The following UQCR11 variants were observed in gnomAD, a reference collection of about 807,000 sequenced individuals.
UQCR11 encodes the protein ubiquinol-cytochrome c reductase, complex III subunit XI.
UQCR11 carries 10 observed loss-of-function variants against 7.6 expected under a neutral mutation model. The ratio of observed to expected loss-of-function variants is 1.31; its 90% CI spans 0.81 to 2.22. The LOEUF is 2.22. UQCR11 is among the 30% of genes most tolerant of loss of function. The pLI is 0.00. For missense variants in UQCR11, 86 were observed against 75.1 expected (o/e 1.15, Z -0.54); for synonymous variants, 34 against 34.9 (o/e 0.97, Z 0.09).
chr19:1,601,599 C>CA lies in UQCR11; in HGVS notation c.51-2040dup, dbSNP rs56108793. On this transcript the variant is annotated intron_variant, in intron 1 of 2. Coordinates refer to ENST00000591899, the MANE Select transcript of UQCR11 (RefSeq NM_006830.4). ...CTGGTGACAGAGCGAGACACCGTCT[C>CA]AAAAAAAAAAAAAAAAAGGAAGAAA... Among the ~76,000 whole-genome samples the CA allele has an allele frequency of 4.4e-3, 359 of 81,028 alleles. 3 individuals carry two copies. Among genetic ancestry groups the CA allele is most frequent in the East Asian group, 0.018 (51 of 2,868 alleles). 53.2% of individuals were successfully genotyped at this position (81,028 alleles called of 152,430 possible). A position where few individuals can be genotyped will look rare whatever the true frequency, so the allele number is the denominator to read the frequency against.
In UQCR11 at chr19:1,599,576, G is replaced by T. The variant is rs755134186; in HGVS notation, c.51-16C>A. 6.2e-7 allele frequency: 1 copy of T among 1,605,328 alleles called. No individual in the cohort carries two copies. The highest frequency in any genetic ancestry group is 8.5e-7 in the Non-Finnish European group (1 of 1,179,852). On this transcript the variant is annotated splice_polypyrimidine_tract_variant and intron_variant, in intron 1 of 2. Transcript: ENST00000591899. ...CGTCGGGACCCTGCGAGAGGAGAGG[G>T]GATGGTCAGGCCTGCTCTGGACCCT...
chr19:1,601,824 A>T (rs545385939), intron 1 of UQCR11, among the ~76,000 whole-genome samples: 1 of 152,088 alleles, frequency 6.6e-6, no homozygotes, highest in Non-Finnish European at 1.5e-5. Context: ...GCACTAGATA[A>T]CAATTGCAGG....
chr19:1,601,525 C>T lies in UQCR11; in HGVS notation c.51-1965G>A, dbSNP rs1243195203. Among the ~76,000 whole-genome samples the T allele has an allele frequency of 4.7e-5, 7 of 149,006 alleles. No individual in the cohort carries two copies. In the East Asian group the frequency reaches 6.1e-4, roughly 13 times the overall value. On this transcript the variant is annotated intron_variant, in intron 1 of 2. Coordinates refer to ENST00000591899, the MANE Select transcript of UQCR11 (RefSeq NM_006830.4). ...CTGAGGCAGGAGAATGGCATGAACC[C>T]GGGAGGCGGAGCTTGCAGTGAGCTT...
At chr19:1,603,783 C>T (rs772428806) in intron 1 of UQCR11, among the ~76,000 whole-genome samples, 5 of 152,168 alleles carry the variant, frequency 3.3e-5, no homozygotes, top group African/African-American at 4.8e-5. Flanking sequence ...TTCCTCATCC[C>T]AGGCCTGAGT....
chr19:1,604,719 G>C (rs79532015), intron 1 of UQCR11, among the ~76,000 whole-genome samples: 15 of 151,868 alleles, frequency 9.9e-5, no homozygotes, highest in African/African-American at 3.1e-4. Context: ...GTAGAGACGC[G>C]GGTTTCACCA....
intron 1 of UQCR11, among the ~76,000 whole-genome samples, chr19:1,602,961 C>T (rs182135767): frequency 7.6e-4 from 116 of 152,316 alleles, no homozygotes; most frequent in Non-Finnish European, 7.4e-4. Flanking sequence ...ACGACAACCC[C>T]TTCCTCAAAG....
intron 2 of UQCR11, among the ~76,000 whole-genome samples, chr19:1,598,743 G>A (rs1484411099): frequency 1.3e-5 from 2 of 152,240 alleles, no homozygotes; most frequent in Non-Finnish European, 2.9e-5. Flanking sequence ...ATATGAAGCT[G>A]GCTGCGGAAG....
In UQCR11 at chr19:1,605,428, T is replaced by C. The variant is rs769771328; in HGVS notation, c.-19A>G. 7.4e-7 allele frequency: 1 copy of C among 1,348,636 alleles called. No homozygotes were observed. Among genetic ancestry groups the C allele is most frequent in the Non-Finnish European group, 9.7e-7 (1 of 1,030,034 alleles). The allele number at this position is 1,348,636 out of a possible 1,614,324, so 83.5% of individuals were successfully genotyped here. A position where few individuals can be genotyped will look rare whatever the true frequency, so the allele number is the denominator to read the frequency against. ...TCACCATCGCGGCGGAGTCGCACCC[T>C]CAGGATGACCCTGTCCAGCTGACCC... On this transcript the variant is annotated 5_prime_UTR_variant, in exon 1 of 3. Transcript: ENST00000591899.
chr19:1,603,208 C>T (rs1377965031), intron 1 of UQCR11, among the ~76,000 whole-genome samples: 1 of 152,220 alleles, frequency 6.6e-6, no homozygotes, highest in African/African-American at 2.4e-5. Flanking sequence ...GTCAGCCCCA[C>T]ACCACAGGTC....
intron 1 of UQCR11, among the ~76,000 whole-genome samples, chr19:1,604,580 T>A (rs1050096275): frequency 2.6e-5 from 4 of 151,410 alleles, no homozygotes; most frequent in African/African-American, 9.7e-5. Context: ...CAGGCTGGAG[T>A]GCAATGGCGC....
At chr19:1,604,507 G>A (rs111576246) in intron 1 of UQCR11, among the ~76,000 whole-genome samples, 6 of 150,082 alleles carry the variant, frequency 4.0e-5, no homozygotes, top group East Asian at 2.0e-4. Context: ...CACTGCACCC[G>A]GCTAAGACCT....
intron 1 of UQCR11, among the ~76,000 whole-genome samples, chr19:1,602,638 G>C (rs904957195): frequency 6.6e-6 from 1 of 152,150 alleles, no homozygotes; most frequent in East Asian, 1.9e-4. Flanking sequence ...TTTTAGTAGA[G>C]ACAGGGTTTC....
intron 1 of UQCR11, among the ~76,000 whole-genome samples, chr19:1,604,765 G>T (rs1301623228): frequency 2.6e-5 from 4 of 152,094 alleles, no homozygotes; most frequent in Non-Finnish European, 5.9e-5. Flanking sequence ...CTGACCTCAG[G>T]TGATCCACCT....
intron 1 of UQCR11, 68 bp downstream of exon 1, chr19:1,605,291 AC>A: frequency 6.7e-7 from 1 of 1,485,292 alleles, no homozygotes; most frequent in Non-Finnish European, 8.9e-7. Flanking sequence ...GCGCACAAAT[AC>A]GGAACGCAGC....
chr19:1,604,793 C>A (rs1336865848), intron 1 of UQCR11, among the ~76,000 whole-genome samples: 1 of 152,148 alleles, frequency 6.6e-6, no homozygotes, highest in African/African-American at 2.4e-5. Context: ...CCTCACAAAG[C>A]GCTGGGATCA....
intron 1 of UQCR11, among the ~76,000 whole-genome samples, chr19:1,605,044 C>T (rs1486362875): frequency 6.6e-6 from 1 of 152,246 alleles, no homozygotes; most frequent in African/African-American, 2.4e-5. Context: ...GATCGGGACT[C>T]GGCACCTTCT....
intron 1 of UQCR11, among the ~76,000 whole-genome samples, chr19:1,600,085 G>GGGCCCAGCAGATTCTAGGAA (rs199759027): frequency 3.8e-4 from 57 of 151,870 alleles, no homozygotes; most frequent in Admixed American, 9.8e-4. Context: ...TGAGTTGCCT[G>GGGCCCAGCAGATTCTAGGAA]GGCCCAGCAG....
chr19:1,600,834 C>T (rs533955230), intron 1 of UQCR11, among the ~76,000 whole-genome samples: 1 of 152,166 alleles, frequency 6.6e-6, no homozygotes, highest in Admixed American at 6.5e-5. Context: ...AACTGCCTTC[C>T]AGCCTCGGTA....
At chr19:1,598,840 G>A (rs2060738827) in intron 2 of UQCR11, 2 of 155,282 alleles carry the variant, frequency 1.3e-5, no homozygotes, top group Non-Finnish European at 2.9e-5. Context: ...ACCGGAGCAG[G>A]GCTCTGAGGC....
Sources: allele counts gnomAD v4.1 joint callset (sites outside exome capture counted in the v4.1 genomes callset), GRCh38; gene constraint gnomAD v4.1.1; transcripts MANE v1.5; gene names NCBI Gene and HGNC (gene_info 2026-07-23, HGNC 2026-07-21).